RFX3: variants seen among roughly 807,000 people sequenced by gnomAD.
RFX3 encodes transcription factor RFX3.
RFX3 carries 14 observed loss-of-function variants against 98.6 expected under a neutral mutation model. That is an observed-to-expected ratio of 0.14 (90% confidence interval 0.09 to 0.22). The LOEUF is 0.22. Ranked by LOEUF, RFX3 falls within the 10% of genes least tolerant of loss-of-function variation. The pLI, the probability that RFX3 is intolerant of heterozygous loss-of-function variation, is 1.00. For missense variants in RFX3, 639 were observed against 926.9 expected (o/e 0.69, Z 4.03); for synonymous variants, 383 against 328.4 (o/e 1.17, Z -1.80).
At chr9:3,505,188 A>G (rs1231465342) in intron 1 of RFX3, among the ~76,000 whole-genome samples, 1 of 94,302 alleles carries the variant, frequency 1.1e-5, no homozygotes, top group Non-Finnish European at 1.8e-5. Context: ...AAATATATAT[A>G]TGAATATATA....
intron 16 of RFX3, among the ~76,000 whole-genome samples, chr9:3,225,813 C>T (rs529176438): frequency 3.9e-5 from 6 of 152,224 alleles, no homozygotes; most frequent in African/African-American, 1.4e-4. Context: ...TGGCACTCAT[C>T]AATGTCACAG....
intron 1 of RFX3, among the ~76,000 whole-genome samples, chr9:3,419,064 C>G (rs1397723253): frequency 1.3e-5 from 2 of 152,112 alleles, no homozygotes; most frequent in African/African-American, 4.8e-5. Context: ...AAGGATAAAA[C>G]ATGTATTTAT....
chr9:3,339,826 C>T (rs940558550), intron 3 of RFX3, among the ~76,000 whole-genome samples: 2 of 152,090 alleles, frequency 1.3e-5, no homozygotes, highest in Non-Finnish European at 2.9e-5. Context: ...GGCCATACTG[C>T]CCAAGGTAAT....
At chr9:3,489,301 G>C (rs938701254) in intron 1 of RFX3, 2 of 249,426 alleles carry the variant, frequency 8.0e-6, no homozygotes, top group African/African-American at 2.3e-5. Context: ...AGTACTCACA[G>C]ACACTATGCC....
chr9:3,303,213 A>G lies in RFX3; in HGVS notation c.475-1593T>C, dbSNP rs567111011. 1.2e-3 allele frequency among the ~76,000 whole-genome samples: 187 copies of G among 152,062 alleles called. 1 individual carries two copies. Among genetic ancestry groups the G allele is most frequent in the African/African-American group, 3.5e-3 (144 of 41,552 alleles). ...CTGCACAAATGAAAAGAGATATATTACAGAAAGAGTAATGTAAATGTAATG... is the reference window on the plus strand; with the variant it reads ...CTGCACAAATGAAAAGAGATATATTGCAGAAAGAGTAATGTAAATGTAATG... On this transcript the variant is annotated intron_variant, in intron 4 of 16. Transcript: ENST00000617270.
chr9:3,263,032 T>C lies in RFX3; in HGVS notation c.1508A>G (p.Asn503Ser). 6.2e-7 allele frequency: 1 copy of C among 1,613,852 alleles called. No individual in the cohort carries two copies. The highest frequency in any genetic ancestry group is 8.5e-7 in the Non-Finnish European group (1 of 1,179,798). ...TGCACGAGCTGCCTGGGCCAGGTGA[T>C]TAAGCGACGTGTATCTTCGCAGAGT... ...AQTLRRYTSLNHLAQAARAVL... is the reference protein window; with the variant it reads ...AQTLRRYTSLSHLAQAARAVL... Residue 503 changes from asparagine to serine, a missense_variant, in exon 13 of 17, where the codon AAT becomes AGT. By Grantham distance (46) the Asn-to-Ser change is conservative. Coordinates refer to ENST00000617270, the MANE Select transcript of RFX3 (RefSeq NM_001282116.2).
intron 1 of RFX3, among the ~76,000 whole-genome samples, chr9:3,428,103 GA>G (rs1488980588): frequency 6.6e-6 from 1 of 152,164 alleles, no homozygotes; most frequent in Non-Finnish European, 1.5e-5. Flanking sequence ...TCCAACATGT[GA>G]AAAGTTGCCT....
chr9:3,397,248 A>C (rs1430893175), intron 1 of RFX3, among the ~76,000 whole-genome samples: 1 of 152,212 alleles, frequency 6.6e-6, no homozygotes, highest in Non-Finnish European at 1.5e-5. Flanking sequence ...AAGAAATATG[A>C]ATTTCCTTGC....
intron 1 of RFX3, among the ~76,000 whole-genome samples, chr9:3,501,249 C>A (rs547758361): frequency 1.3e-5 from 2 of 152,048 alleles, no homozygotes; most frequent in Non-Finnish European, 2.9e-5. Flanking sequence ...ATCAAAGATC[C>A]TCAGTAAATG....
At chr9:3,225,337 C>A in intron 16 of RFX3, 57 bp from the exon 17 acceptor site, 2 of 1,593,570 alleles carry the variant, frequency 1.3e-6, no homozygotes, top group South Asian at 2.3e-5. Flanking sequence ...AAATAGCAAT[C>A]AACAGGTGCT....
intron 14 of RFX3, among the ~76,000 whole-genome samples, chr9:3,254,942 T>C (rs1415413742): frequency 1.3e-5 from 2 of 152,206 alleles, no homozygotes; most frequent in African/African-American, 4.8e-5. Flanking sequence ...ATGTGCTTCT[T>C]GAATTATGTG....
intron 4 of RFX3, among the ~76,000 whole-genome samples, chr9:3,302,596 T>C (rs531064124): frequency 6.6e-6 from 1 of 151,848 alleles, no homozygotes; most frequent in Non-Finnish European, 1.5e-5. Flanking sequence ...AACAGTCTGA[T>C]TACATCAACA....
intron 1 of RFX3, among the ~76,000 whole-genome samples, chr9:3,435,787 G>C (rs1204309847): frequency 9.3e-6 from 1 of 107,434 alleles, no homozygotes; most frequent in Non-Finnish European, 1.8e-5. Context: ...TTATACTTAA[G>C]AAGCATCTGC....
At chr9:3,351,168 T>C (rs143906158) in intron 2 of RFX3, among the ~76,000 whole-genome samples, 1 of 151,536 alleles carries the variant, frequency 6.6e-6, no homozygotes, top group East Asian at 1.9e-4. Context: ...ATGTTTATAA[T>C]GGAAGAGGCT....
chr9:3,335,663 T>C (rs964556586), intron 3 of RFX3, among the ~76,000 whole-genome samples: 4 of 152,200 alleles, frequency 2.6e-5, no homozygotes, highest in Middle Eastern at 3.2e-3. Context: ...ATGAAAATAA[T>C]GTCATATTAT....
chr9:3,382,807 C>G (rs1197894524), intron 2 of RFX3, among the ~76,000 whole-genome samples: 1 of 151,892 alleles, frequency 6.6e-6, no homozygotes, highest in Admixed American at 6.6e-5. Context: ...TTAGGCAAAA[C>G]CTCAAAATTT....
intron 4 of RFX3, among the ~76,000 whole-genome samples, chr9:3,305,100 A>G (rs1829121187): frequency 6.6e-6 from 1 of 152,056 alleles, no homozygotes; most frequent in Admixed American, 6.6e-5. Flanking sequence ...AGGGAAATCT[A>G]GGAAGAATCG....
chr9:3,330,828 A>T (rs1832508116), intron 3 of RFX3, among the ~76,000 whole-genome samples: 1 of 152,142 alleles, frequency 6.6e-6, no homozygotes, highest in African/African-American at 2.4e-5. Context: ...AACAACTTCA[A>T]TTGCTTATAA....
rs1018502827 is a variant in RFX3, at chr9:3,222,367, C to G, written c.*2675G>C. The G allele has an allele frequency of 1.3e-5, 2 of 152,226 alleles. No homozygotes were observed. Among genetic ancestry groups the G allele is most frequent in the East Asian group, 3.9e-4 (2 of 5,190 alleles). The allele number at this position is 152,226 out of a possible 1,614,324, so 9.4% of individuals were successfully genotyped here. A position where few individuals can be genotyped will look rare whatever the true frequency, so the allele number is the denominator to read the frequency against. The stretch of plus-strand genomic sequence containing the variant: ...GTTCTTAATCTGTCCTAATTTAGAA[C>G]AAACCATGAACAATTGGAAGAAATG... On this transcript the variant is annotated 3_prime_UTR_variant, in exon 17 of 17. Coordinates refer to ENST00000617270, the MANE Select transcript of RFX3 (RefSeq NM_001282116.2).
Sources: allele counts gnomAD v4.1 joint callset (sites outside exome capture counted in the v4.1 genomes callset), GRCh38; gene constraint gnomAD v4.1.1; transcripts MANE v1.5; gene names NCBI Gene and HGNC (gene_info 2026-07-23, HGNC 2026-07-21).